STT3B: variants seen among roughly 807,000 people sequenced by gnomAD.
STT3B encodes the protein dolichyl-diphosphooligosaccharide--protein glycosyltransferase subunit STT3B.
In STT3B, 29 loss-of-function variants were observed where a neutral mutation model predicts 96.8. The ratio of observed to expected loss-of-function variants is 0.30; its 90% confidence interval spans 0.22 to 0.41. The LOEUF (loss-of-function observed/expected upper bound fraction) is 0.41. Ranked by LOEUF, STT3B falls within the 10% of genes least tolerant of loss-of-function variation. The pLI is 1.00. For synonymous variants in STT3B, 367 were observed against 360.0 expected (o/e 1.02, Z -0.22); for missense variants, 640 against 1,022.3 (o/e 0.63, Z 5.10).
intron 3 of STT3B, among the ~76,000 whole-genome samples, chr3:31,581,914 T>C (rs1213113504): frequency 1.3e-5 from 2 of 152,200 alleles, no homozygotes; most frequent in African/African-American, 4.8e-5. Context: ...CATGACTTAG[T>C]CTTGGTAGGT....
chr3:31,624,843 C>T, intron 11 of STT3B, 71 bp from the exon 12 acceptor site: 2 of 1,247,362 alleles, frequency 1.6e-6, no homozygotes, highest in South Asian at 1.4e-5. Context: ...TGGTTTAATA[C>T]CTCAAGATTT....
intron 1 of STT3B, among the ~76,000 whole-genome samples, chr3:31,554,696 T>C (rs1471273036): frequency 6.6e-6 from 1 of 152,156 alleles, no homozygotes; most frequent in Non-Finnish European, 1.5e-5. Flanking sequence ...TTTGAAATTC[T>C]GCAAAACTTT....
chr3:31,622,246 C>A lies in STT3B; in HGVS notation c.1477C>A (p.Pro493Thr). Residue 493 changes from proline (P) to threonine (T), a missense_variant, in exon 10 of 16, where the codon CCA (proline) becomes ACA (threonine). This residue lies in a region of STT3B where 149 missense variants were observed against 250.2 expected (regional missense o/e 0.60). Transcript: ENST00000295770. ...GGGGGATGACATGAAAAGGGAAAAT[C>A]CACCTGTGGAGGACAGCAGTGATGA... is the stretch of plus-strand genomic sequence containing the variant. ...YLGDDMKREN[P>T]PVEDSSDEDD... The A allele has an allele frequency of 6.2e-7, 1 of 1,614,058 alleles. No individual in the cohort carries two copies. Among genetic ancestry groups the A allele is most frequent in the East Asian group, 2.2e-5 (1 of 44,870 alleles).
At chr3:31,601,958 G>A (rs1336291952) in intron 5 of STT3B, among the ~76,000 whole-genome samples, 1 of 152,066 alleles carries the variant, frequency 6.6e-6, no homozygotes, top group Non-Finnish European at 1.5e-5. Flanking sequence ...CTCAGATTTT[G>A]GCTTTAAAGC....
chr3:31,567,694 A>G (rs549637270), intron 1 of STT3B, among the ~76,000 whole-genome samples: 3 of 152,328 alleles, frequency 2.0e-5, no homozygotes, highest in South Asian at 2.1e-4. Context: ...AGGCTGAGAT[A>G]TAATTTTTAA....
chr3:31,584,424 A>T (rs1418567472), intron 3 of STT3B, among the ~76,000 whole-genome samples: 2 of 152,122 alleles, frequency 1.3e-5, no homozygotes, highest in African/African-American at 4.8e-5. Flanking sequence ...TTGCATTTTC[A>T]TAAGTTTTAA....
At position 31,604,299 on chromosome 3, in the gene STT3B, T is replaced by C. The variant is rs760796726; in HGVS notation, c.877+3840T>C. On this transcript the variant is annotated intron_variant, in intron 5 of 15. Transcript: ENST00000295770. Reference sequence around the variant, plus strand: ...ATATATTTTGTGAATAAAGAAAAGATAATCCAATTATTGAGTACATTAAAA... The same window carrying C: ...ATATATTTTGTGAATAAAGAAAAGACAATCCAATTATTGAGTACATTAAAA... Among the ~76,000 whole-genome samples, 5 of 152,284 alleles carry C rather than the reference T, an allele frequency of 3.3e-5. No homozygotes were observed. In the East Asian group the frequency reaches 9.6e-4, roughly 29 times the overall value.
At chr3:31,559,149 G>A (rs1353707413) in intron 1 of STT3B, among the ~76,000 whole-genome samples, 1 of 26,616 alleles carries the variant, frequency 3.8e-5, no homozygotes, top group Non-Finnish European at 1.1e-4. Flanking sequence ...TTCTTGGGGT[G>A]TGTGTGTGTG....
intron 3 of STT3B, among the ~76,000 whole-genome samples, chr3:31,594,678 C>A (rs774499246): frequency 6.6e-6 from 1 of 152,092 alleles, no homozygotes; most frequent in Non-Finnish European, 1.5e-5. Context: ...ACTCGGCCTC[C>A]CAAAGTGCTG....
intron 1 of STT3B, among the ~76,000 whole-genome samples, chr3:31,559,148 T>TGG (rs1232099847): frequency 3.5e-4 from 7 of 19,826 alleles, no homozygotes; most frequent in Non-Finnish European, 7.0e-4. Flanking sequence ...ATTCTTGGGG[T>TGG]GTGTGTGTGT....
chr3:31,617,296 G>GA lies in STT3B; in HGVS notation c.1123+231dup, dbSNP rs113636660. Among the ~76,000 whole-genome samples the GA allele has an allele frequency of 4.5e-3, 606 of 134,970 alleles. 8 individuals are homozygous for GA. Among genetic ancestry groups the GA allele is most frequent in the African/African-American group, 0.014 (534 of 37,060 alleles). The allele number at this position is 134,970 out of a possible 152,430, so 88.5% of individuals were successfully genotyped here. A position where few individuals can be genotyped will look rare whatever the true frequency, so the allele number is the denominator to read the frequency against. ...GATGAATAGTCCCAAACTATAAAAA[G>GA]AAAAAAAAAATCAGAGCTTCTGTTA... On this transcript the variant is annotated intron_variant, in intron 7 of 15. Transcript: ENST00000295770.
At chr3:31,533,439 G>A in intron 1 of STT3B, 127 bp downstream of exon 1, 1 of 1,200,842 alleles carries the variant, frequency 8.3e-7, no homozygotes, top group Non-Finnish European at 1.1e-6. Context: ...TCCTGGCTGA[G>A]GCCGGCGCGG....
In STT3B at chr3:31,605,018, A is replaced by G. The variant is rs148086483; in HGVS notation, c.877+4559A>G. ...AAGGATTAATGAGTTACAGGTTAAT[A>G]TATGAAAGGTGCTTAATAATAGATG... On this transcript the variant is annotated intron_variant, in intron 5 of 15. Transcript: ENST00000295770. Among the ~76,000 whole-genome samples the G allele has an allele frequency of 3.8e-3, 576 of 152,330 alleles. 8 individuals are homozygous for G. The highest frequency in any genetic ancestry group is 0.013 in the African/African-American group (536 of 41,568).
chr3:31,552,794 C>G (rs1017405867), intron 1 of STT3B, among the ~76,000 whole-genome samples: 14 of 152,138 alleles, frequency 9.2e-5, no homozygotes, highest in African/African-American at 3.4e-4. Context: ...CAGTGTGATA[C>G]ATAAGATAGG....
At chr3:31,594,968 T>G (rs1264685542) in intron 3 of STT3B, among the ~76,000 whole-genome samples, 1 of 152,138 alleles carries the variant, frequency 6.6e-6, no homozygotes, top group African/African-American at 2.4e-5. Context: ...CTCCTTGTAT[T>G]CAGCTGTCCA....
chr3:31,624,134 A>G (rs1273082477), intron 11 of STT3B, among the ~76,000 whole-genome samples: 1 of 152,094 alleles, frequency 6.6e-6, no homozygotes, highest in Non-Finnish European at 1.5e-5. Flanking sequence ...CAAACGATCA[A>G]GTTACACTCT....
At chr3:31,604,227 T>A (rs9821845) in intron 5 of STT3B, among the ~76,000 whole-genome samples, 140,091 of 152,164 alleles carry the variant, frequency 0.92, 64,659 homozygotes, top group East Asian at 0.96. Flanking sequence ...TTAAAGTTTT[T>A]TGAACATACT....
At chr3:31,600,093 C>G (rs994386723) in intron 4 of STT3B, among the ~76,000 whole-genome samples, 11 of 152,120 alleles carry the variant, frequency 7.2e-5, no homozygotes, top group African/African-American at 2.4e-4. Flanking sequence ...TTATAATACT[C>G]TCAGCTTTTC....
intron 1 of STT3B, among the ~76,000 whole-genome samples, chr3:31,562,044 C>T (rs1320933045): frequency 3.3e-5 from 5 of 152,072 alleles, no homozygotes; most frequent in Admixed American, 3.3e-4. Flanking sequence ...ACTGAGCATC[C>T]CCTCAGTGTT....
Sources: allele counts gnomAD v4.1 joint callset (sites outside exome capture counted in the v4.1 genomes callset), GRCh38; gene constraint gnomAD v4.1.1; regional missense constraint gnomAD v4.1.1; transcripts MANE v1.5; gene names NCBI Gene and HGNC (gene_info 2026-07-23, HGNC 2026-07-21).